PRMT8: variants seen among roughly 807,000 people sequenced by gnomAD.
PRMT8 encodes the protein protein arginine methyltransferase 8, also known as protein arginine N-methyltransferase 8.
PRMT8 carries 7 observed loss-of-function variants against 47.1 expected under a neutral mutation model. The ratio of observed to expected loss-of-function variants is 0.15; its 90% confidence interval spans 0.08 to 0.28. PRMT8 has a LOEUF of 0.28. Among genes scored for constraint, PRMT8 ranks in the 10% least tolerant of loss-of-function variants. PRMT8 has a pLI of 1.00. For missense variants in PRMT8, 237 were observed against 505.4 expected (o/e 0.47, Z 5.09); for synonymous variants, 188 against 186.5 (o/e 1.01, Z -0.07).
intron 1 of PRMT8, among the ~76,000 whole-genome samples, chr12:3,418,607 C>T (rs2137059669): frequency 6.6e-6 from 1 of 152,324 alleles, no homozygotes; most frequent in Non-Finnish European, 1.5e-5. Flanking sequence ...TGGCTTCAGG[C>T]CCACTCCGTG....
intron 1 of PRMT8, among the ~76,000 whole-genome samples, chr12:3,529,258 G>A (rs1591586451): frequency 1.3e-5 from 2 of 152,224 alleles, no homozygotes; most frequent in East Asian, 3.9e-4. Context: ...ATCCTTCTAG[G>A]CAGTAAGCTG....
In PRMT8 at chr12:3,453,129, A is replaced by G. The variant is rs61909497; in HGVS notation, c.48+71687A>G. On this transcript the variant is annotated intron_variant, in intron 1 of 9. Coordinates refer to the PRMT8 transcript ENST00000452611. The surrounding 1 kb of genome is among the most constrained non-coding windows in gnomAD (Gnocchi z 4.9). ...GGGAATCAGGTAGGCTGGAGAGGAG[A>G]GGGGTCAGTCCGGGAGACCGTCCTG... 0.12 allele frequency among the ~76,000 whole-genome samples: 18,219 copies of G among 152,050 alleles called. 1,255 individuals are homozygous for G. Among genetic ancestry groups the G allele is most frequent in the African/African-American group, 0.19 (7,762 of 41,450 alleles).
intron 7 of PRMT8, among the ~76,000 whole-genome samples, chr12:3,579,437 G>A (rs977728402): frequency 4.6e-5 from 7 of 152,124 alleles, no homozygotes; most frequent in Admixed American, 1.3e-4. Flanking sequence ...ATATCCAGGG[G>A]CAAAGCAGCC....
intron 1 of PRMT8, among the ~76,000 whole-genome samples, chr12:3,412,719 C>T (rs562297787): frequency 6.6e-6 from 1 of 152,244 alleles, no homozygotes; most frequent in African/African-American, 2.4e-5. Context: ...TAATAATCCC[C>T]ATGTGTCAAG....
intron 1 of PRMT8, among the ~76,000 whole-genome samples, chr12:3,524,604 A>T (rs1007138255): frequency 6.6e-6 from 1 of 151,132 alleles, no homozygotes; most frequent in Non-Finnish European, 1.5e-5. Context: ...TAGAATTGCA[A>T]TGCATTGTGG....
chr12:3,491,104 C>G (rs1013358040), upstream of PRMT8: 1 of 955,056 alleles, frequency 1.0e-6, no homozygotes, highest in East Asian at 1.2e-4. Context: ...CGCTGGGGGC[C>G]CTCGGTCTGC....
chr12:3,410,552 A>G (rs1052647137), intron 1 of PRMT8, among the ~76,000 whole-genome samples: 4 of 152,172 alleles, frequency 2.6e-5, no homozygotes, highest in African/African-American at 9.7e-5. Context: ...TCTGTCGCCC[A>G]GGCTGGAGTG....
chr12:3,468,585 A>G (rs868713805), intron 1 of PRMT8, among the ~76,000 whole-genome samples: 7 of 152,308 alleles, frequency 4.6e-5, no homozygotes, highest in Middle Eastern at 6.8e-3. Flanking sequence ...TCTTTCTTCC[A>G]TACACCAACT....
In PRMT8 at chr12:3,550,277, T is replaced by C; in HGVS notation, c.417+186T>C. 1 of 638,612 alleles carries C rather than the reference T, an allele frequency of 1.6e-6. No homozygotes were observed. The highest frequency in any genetic ancestry group is 2.7e-6 in the Non-Finnish European group (1 of 377,164). The allele number at this position is 638,612 out of a possible 1,614,324, so 39.6% of individuals were successfully genotyped here. ...GAGCAGGCTGCCTGTCCCCTGTGCA[T>C]GGCTCCTGGATCCTTACAACCACTG... is the stretch of plus-strand genomic sequence containing the variant. On this transcript the variant is annotated intron_variant, in intron 3 of 9. Transcript: ENST00000382622. This position sits in a 1 kb window ranked among gnomAD's most constrained non-coding sequence, Gnocchi z 5.1.
intron 1 of PRMT8, among the ~76,000 whole-genome samples, chr12:3,390,005 G>A (rs1369309625): frequency 2.6e-5 from 4 of 152,376 alleles, no homozygotes; most frequent in African/African-American, 7.2e-5. Flanking sequence ...GCTCAGTTAA[G>A]AGAGCTTGAG....
intron 1 of PRMT8, among the ~76,000 whole-genome samples, chr12:3,477,519 C>T (rs903004184): frequency 2.0e-5 from 3 of 152,186 alleles, no homozygotes; most frequent in Admixed American, 6.5e-5. Flanking sequence ...GTCTTATTGA[C>T]GTTGAGTTCT....
At position 3,540,613 on chromosome 12, in the gene PRMT8, G is replaced by GGCCCCCCCGCCCCCCCCC; in HGVS notation, c.83_84insGCCCCCCCGCCCCCCCCC (p.Ser28delinsArgProProArgProProPro). On this transcript the variant is annotated protein_altering_variant, in exon 2 of 10. Transcript: ENST00000382622. ...CCCTTCTCTTCCCCTCAGGTGAACA[G>GGCCCCCCCGCCCCCCCCC]CCCCCCCTCCCAGCCCCCCCAGCCC... is the stretch of plus-strand genomic sequence containing the variant. The GGCCCCCCCGCCCCCCCCC allele has an allele frequency of 8.8e-7, 1 of 1,130,522 alleles. No homozygotes were observed. Among genetic ancestry groups the GGCCCCCCCGCCCCCCCCC allele is most frequent in the Non-Finnish European group, 1.3e-6 (1 of 752,492 alleles). 70.0% of individuals were successfully genotyped at this position (1,130,522 alleles called of 1,614,324 possible). A position where few individuals can be genotyped will look rare whatever the true frequency, so the allele number is the denominator to read the frequency against.
At chr12:3,426,007 C>G (rs141453177) in intron 1 of PRMT8, among the ~76,000 whole-genome samples, 1 of 152,228 alleles carries the variant, frequency 6.6e-6, no homozygotes, top group Non-Finnish European at 1.5e-5. Context: ...TGTTGGGAGA[C>G]GGAAGCTGGA....
intron 1 of PRMT8, among the ~76,000 whole-genome samples, chr12:3,390,115 C>T (rs536767935): frequency 1.2e-4 from 19 of 152,352 alleles, no homozygotes; most frequent in African/African-American, 3.6e-4. Flanking sequence ...GAATCCAGGA[C>T]GCAATTGCCC....
intron 1 of PRMT8, among the ~76,000 whole-genome samples, chr12:3,425,432 A>G (rs1864593862): frequency 6.6e-6 from 1 of 152,366 alleles, no homozygotes; most frequent in South Asian, 2.1e-4. Flanking sequence ...CACAGTCTGG[A>G]TTAAAACTCT....
intron 1 of PRMT8, among the ~76,000 whole-genome samples, chr12:3,469,859 C>T (rs564613933): frequency 2.0e-4 from 31 of 152,242 alleles, no homozygotes; most frequent in African/African-American, 6.7e-4. Context: ...AGGGCTCTGT[C>T]GGCCTCCATG....
rs1328393552 is a variant in PRMT8, at chr12:3,576,333, G to A, written c.713-538G>A. ...AGGCTGACCAGTAAGTGGTGGTGCTGGAATTTAAACTGTAGTTGATTTCAC... is the reference window on the plus strand; with the variant it reads ...AGGCTGACCAGTAAGTGGTGGTGCTAGAATTTAAACTGTAGTTGATTTCAC... On this transcript the variant is annotated intron_variant, in intron 6 of 9. Transcript: ENST00000382622. The surrounding 1 kb of genome is among the most constrained non-coding windows in gnomAD (Gnocchi z 4.0). Among the ~76,000 whole-genome samples, 1 of 152,186 alleles carries A rather than the reference G, an allele frequency of 6.6e-6. No individual in the cohort carries two copies. The highest frequency in any genetic ancestry group is 1.9e-4 in the East Asian group (1 of 5,200).
chr12:3,583,141 C>T lies in PRMT8; in HGVS notation c.912C>T (p.Val304=), dbSNP rs943942297. 6.2e-7 allele frequency: 1 copy of T among 1,614,136 alleles called. No individual in the cohort carries two copies. Among genetic ancestry groups the T allele is most frequent in the Non-Finnish European group, 8.5e-7 (1 of 1,180,010 alleles). Residue 304 remains valine, a synonymous_variant, in exon 8 of 10, where the codon GTC becomes GTT. Coordinates refer to ENST00000382622, the MANE Select transcript of PRMT8 (RefSeq NM_019854.5). The surrounding 1 kb of genome is among the most constrained non-coding windows in gnomAD (Gnocchi z 4.7). ...TGCAGATACAGCGCAACGACTACGT[C>T]CACGCCCTGGTCACCTATTTTAATA... ...FCLQIQRNDY[V]HALVTYFNIE...
intron 1 of PRMT8, among the ~76,000 whole-genome samples, chr12:3,447,448 C>T (rs1403048630): frequency 2.0e-5 from 3 of 152,142 alleles, no homozygotes; most frequent in African/African-American, 7.2e-5. Context: ...CACCTCTGGG[C>T]CTTTGCTTAT....
Sources: allele counts gnomAD v4.1 joint callset (sites outside exome capture counted in the v4.1 genomes callset), GRCh38; gene constraint gnomAD v4.1.1; non-coding constraint Gnocchi (gnomAD v3.1); transcripts MANE v1.5; gene names NCBI Gene and HGNC (gene_info 2026-07-23, HGNC 2026-07-21).